The following RFX3 variants were observed in gnomAD, a reference collection of about 807,000 sequenced individuals.
RFX3 encodes the protein transcription factor RFX3.
A neutral mutation model predicts 98.6 loss-of-function variants in RFX3; 14 were observed. The observed-to-expected ratio is 0.14, with a 90% confidence interval of 0.09 to 0.22. The LOEUF (loss-of-function observed/expected upper bound fraction) is 0.22, where lower values mean the gene tolerates loss of function less well. Among genes scored for constraint, RFX3 ranks in the 10% least tolerant of loss-of-function variants. The pLI, the probability that RFX3 is intolerant of heterozygous loss-of-function variation, is 1.00. For synonymous variants in RFX3, 383 were observed against 328.4 expected, an observed-to-expected ratio of 1.17 and a Z score of -1.80; for missense variants, 639 against 926.9, an observed-to-expected ratio of 0.69 and a Z score of 4.03.
chr9:3,447,036 C>A (rs1332843827), intron 1 of RFX3, among the ~76,000 whole-genome samples: 8 of 152,152 alleles, frequency 5.3e-5, no homozygotes, highest in Admixed American at 5.2e-4. Flanking sequence ...GAGGAAAATG[C>A]CTTCTCTAGA....
At chr9:3,371,644 G>A (rs1293300666) in intron 2 of RFX3, among the ~76,000 whole-genome samples, 2 of 152,188 alleles carry the variant, frequency 1.3e-5, no homozygotes, top group East Asian at 3.9e-4. Flanking sequence ...ATCAACTTAA[G>A]TAAGATGAAA....
chr9:3,266,078 C>A, intron 12 of RFX3, 130 bp downstream of exon 12: 2 of 494,038 alleles, frequency 4.0e-6, no homozygotes, highest in Non-Finnish European at 7.1e-6. Context: ...ATATAAAAAT[C>A]AGTTTTAAAA....
intron 4 of RFX3, among the ~76,000 whole-genome samples, chr9:3,308,122 T>G (rs748457625): frequency 6.6e-6 from 1 of 152,150 alleles, no homozygotes; most frequent in Non-Finnish European, 1.5e-5. Context: ...CTATATGTAA[T>G]CTATTAAATG....
intron 1 of RFX3, among the ~76,000 whole-genome samples, chr9:3,501,777 G>A (rs145748955): frequency 2.6e-5 from 4 of 151,180 alleles, no homozygotes; most frequent in Non-Finnish European, 5.9e-5. Flanking sequence ...GGCTGGTCTC[G>A]AACTCCTGGC....
At chr9:3,249,314 A>T (rs1002489573) in intron 14 of RFX3, among the ~76,000 whole-genome samples, 1 of 152,194 alleles carries the variant, frequency 6.6e-6, no homozygotes, top group East Asian at 1.9e-4. Context: ...GTGACAGATC[A>T]TCATTGTCCA....
chr9:3,259,187 T>C (rs1822543703), intron 13 of RFX3, among the ~76,000 whole-genome samples: 1 of 152,004 alleles, frequency 6.6e-6, no homozygotes, highest in Non-Finnish European at 1.5e-5. Flanking sequence ...TGCACGTTGA[T>C]AATTGGAAGG....
chr9:3,304,463 T>C (rs1829040230), intron 4 of RFX3, among the ~76,000 whole-genome samples: 1 of 152,110 alleles, frequency 6.6e-6, no homozygotes, highest in South Asian at 2.1e-4. Context: ...TGGTCATATA[T>C]ATGAATAAAT....
intron 1 of RFX3, among the ~76,000 whole-genome samples, chr9:3,509,503 G>A (rs1171800904): frequency 6.6e-6 from 1 of 151,710 alleles, no homozygotes; most frequent in Non-Finnish European, 1.5e-5. Context: ...ACAAATAATA[G>A]GAATTAAATA....
intron 4 of RFX3, among the ~76,000 whole-genome samples, chr9:3,326,039 C>T (rs1053011189): frequency 6.6e-6 from 1 of 151,992 alleles, no homozygotes; most frequent in African/African-American, 2.4e-5. Flanking sequence ...TAGCTGAACC[C>T]ATATCCAGTG....
In RFX3 at chr9:3,224,161, T is replaced by C. The variant is rs970162650; in HGVS notation, c.*881A>G. 6 of 151,982 alleles carry C rather than the reference T, an allele frequency of 3.9e-5. No individual in the cohort carries two copies. Among genetic ancestry groups the C allele is most frequent in the Non-Finnish European group, 5.9e-5 (4 of 67,990 alleles). 9.4% of individuals were successfully genotyped at this position (151,982 alleles called of 1,614,324 possible). A position where few individuals can be genotyped will look rare whatever the true frequency, so the allele number is the denominator to read the frequency against. ...TATGTCCAGCTCAGCATAAGTAGCA[T>C]GTACACTTAAAAAAAAAAAGTCAAG... On this transcript the variant is annotated 3_prime_UTR_variant, in exon 17 of 17. Transcript: ENST00000617270.
chr9:3,387,004 C>T lies in RFX3; in HGVS notation c.117+8468G>A, dbSNP rs191192695. ...CATATCCCTCACTTCCCAGGTTCCTCTCCCCAGTCACCTTCACAGATTGCC... is the reference window on the plus strand; with the variant it reads ...CATATCCCTCACTTCCCAGGTTCCTTTCCCCAGTCACCTTCACAGATTGCC... On this transcript the variant is annotated intron_variant, in intron 2 of 16. Transcript: ENST00000617270. 5.3e-5 allele frequency among the ~76,000 whole-genome samples: 8 copies of T among 152,314 alleles called. No individual in the cohort carries two copies. The East Asian group carries it at 9.6e-4, about 18-fold the overall frequency.
At chr9:3,431,338 GTTACA>G (rs899124685) in intron 1 of RFX3, among the ~76,000 whole-genome samples, 7 of 152,102 alleles carry the variant, frequency 4.6e-5, no homozygotes, top group African/African-American at 1.7e-4. Context: ...GCTGAGAAAA[GTTACA>G]TTACAACAAA....
intron 9 of RFX3, among the ~76,000 whole-genome samples, chr9:3,274,248 G>C (rs973315975): frequency 7.9e-5 from 12 of 152,090 alleles, no homozygotes; most frequent in Non-Finnish European, 1.8e-4. Context: ...TCTGGTGTCG[G>C]GGAAAATGTC....
intron 1 of RFX3, among the ~76,000 whole-genome samples, chr9:3,457,183 C>A (rs573041135): frequency 2.8e-5 from 4 of 141,170 alleles, no homozygotes; most frequent in Non-Finnish European, 4.7e-5. Context: ...AAAGAATTGT[C>A]CCAAGGATAA....
intron 15 of RFX3, among the ~76,000 whole-genome samples, chr9:3,239,618 C>T (rs1002048026): frequency 1.3e-5 from 2 of 152,172 alleles, no homozygotes; most frequent in African/African-American, 4.8e-5. Flanking sequence ...GTGAAGTGTT[C>T]AGATTACAAT....
chr9:3,339,511 T>C (rs903488487), intron 3 of RFX3, among the ~76,000 whole-genome samples: 2 of 152,236 alleles, frequency 1.3e-5, no homozygotes, highest in Admixed American at 6.5e-5. Context: ...TTCAGTTTCA[T>C]TCATTTTTTC....
At chr9:3,351,861 T>C (rs140713091) in intron 2 of RFX3, among the ~76,000 whole-genome samples, 4 of 152,064 alleles carry the variant, frequency 2.6e-5, no homozygotes, top group African/African-American at 4.8e-5. Context: ...GTAATATAAA[T>C]AGGTTCTTTA....
At chr9:3,414,408 T>C (rs1564068716) in intron 1 of RFX3, among the ~76,000 whole-genome samples, 1 of 151,878 alleles carries the variant, frequency 6.6e-6, no homozygotes, top group Non-Finnish European at 1.5e-5. Flanking sequence ...GCTTTCATTA[T>C]TCATACTAGT....
intron 4 of RFX3, among the ~76,000 whole-genome samples, chr9:3,303,887 T>C (rs1828969588): frequency 6.6e-6 from 1 of 152,046 alleles, no homozygotes; most frequent in Non-Finnish European, 1.5e-5. Context: ...GGTTCTTCTT[T>C]GTGTCACTTT....
Sources: gnomAD v4.1 joint callset for allele counts (sites outside exome capture counted in the v4.1 genomes callset) on GRCh38, gnomAD v4.1.1 for gene constraint, MANE v1.5 for transcripts, NCBI Gene and HGNC (gene_info 2026-07-23, HGNC 2026-07-21) for gene names.